Variants in LRRC4C observed in about 807,000 individuals in gnomAD.
The protein encoded by LRRC4C is leucine rich repeat containing 4C.
A neutral mutation model predicts 33.6 loss-of-function variants in LRRC4C; 5 were observed. The observed-to-expected ratio is 0.15, with a 90% CI of 0.08 to 0.31. LRRC4C has a LOEUF of 0.31. Among genes scored for constraint, LRRC4C ranks in the 10% least tolerant of loss-of-function variants. The pLI is 1.00. For synonymous variants in LRRC4C, 329 were observed against 302.0 expected (o/e 1.09, Z -0.93); for missense variants, 560 against 796.7 (o/e 0.70, Z 3.58).
At chr11:41,043,933 C>A (rs1284241994) in intron 1 of LRRC4C, among the ~76,000 whole-genome samples, 1 of 151,900 alleles carries the variant, frequency 6.6e-6, no homozygotes, top group Non-Finnish European at 1.5e-5. Context: ...ATTTGATGGA[C>A]AAAAACATTG....
intron 5 of LRRC4C, among the ~76,000 whole-genome samples, chr11:40,221,658 G>A (rs761277849): frequency 1.6e-4 from 25 of 152,092 alleles, no homozygotes; most frequent in Non-Finnish European, 2.8e-4. Flanking sequence ...CAGACAGCCC[G>A]GCGCCACACC....
chr11:40,474,064 C>T (rs577994624), intron 3 of LRRC4C, among the ~76,000 whole-genome samples: 2 of 150,336 alleles, frequency 1.3e-5, no homozygotes, highest in East Asian at 2.0e-4. Flanking sequence ...TTCCATCAAG[C>T]TACCATTGAC....
intron 3 of LRRC4C, among the ~76,000 whole-genome samples, chr11:40,465,849 A>G (rs1039561785): frequency 2.0e-5 from 3 of 152,076 alleles, no homozygotes; most frequent in Non-Finnish European, 4.4e-5. Flanking sequence ...TACAACCTCT[A>G]TGGACAACAG....
chr11:40,373,408 C>T (rs1458496028), intron 3 of LRRC4C, among the ~76,000 whole-genome samples: 1 of 151,624 alleles, frequency 6.6e-6, no homozygotes, highest in African/African-American at 2.4e-5. Context: ...AAGACATTTG[C>T]AATACATATA....
At chr11:40,180,769 A>T (rs1164494095) in intron 5 of LRRC4C, among the ~76,000 whole-genome samples, 1 of 152,196 alleles carries the variant, frequency 6.6e-6, no homozygotes, top group Non-Finnish European at 1.5e-5. Flanking sequence ...GTGTGTGTGC[A>T]TGTGTGTATG....
intron 2 of LRRC4C, among the ~76,000 whole-genome samples, chr11:40,730,656 G>A (rs559377028): frequency 6.6e-6 from 1 of 152,258 alleles, no homozygotes; most frequent in East Asian, 1.9e-4. Flanking sequence ...GGCTCAATCA[G>A]ATTTTGTTAT....
At chr11:40,389,836 A>G (rs945949618) in intron 3 of LRRC4C, among the ~76,000 whole-genome samples, 8 of 152,196 alleles carry the variant, frequency 5.3e-5, no homozygotes, top group African/African-American at 1.7e-4. Flanking sequence ...AATTAGGAGG[A>G]AGATAAGTCA....
At chr11:40,946,661 C>T (rs185074034) in intron 1 of LRRC4C, among the ~76,000 whole-genome samples, 90 of 152,244 alleles carry the variant, frequency 5.9e-4, no homozygotes, top group Non-Finnish European at 2.9e-5. Context: ...AAGATTGTCC[C>T]TTATTGTGGT....
intron 2 of LRRC4C, among the ~76,000 whole-genome samples, chr11:40,772,743 C>T (rs1320510181): frequency 6.6e-6 from 1 of 152,146 alleles, no homozygotes; most frequent in Admixed American, 6.5e-5. Flanking sequence ...CCCTCATACA[C>T]TGTTGATGGT....
In LRRC4C at chr11:40,439,923, C is replaced by T. The variant is rs144647245; in HGVS notation, c.-269-120202G>A. ...GGTAGGCAAACTATAACCATTAGGC[C>T]ACATACCACCTGTCACTTGTTCTTT... On this transcript the variant is annotated intron_variant, in intron 3 of 6. Transcript: ENST00000528697. Among the ~76,000 whole-genome samples the T allele has an allele frequency of 1.7e-3, 258 of 152,324 alleles. 3 individuals carry two copies. Among genetic ancestry groups the T allele is most frequent in the South Asian group, 6.4e-3 (31 of 4,828 alleles).
chr11:41,260,678 A>G (rs953957646), intron 1 of LRRC4C, among the ~76,000 whole-genome samples: 2 of 152,058 alleles, frequency 1.3e-5, no homozygotes, highest in Admixed American at 6.6e-5. Context: ...CACAAGGAAA[A>G]AGATAATGGG....
At chr11:40,894,413 C>T (rs1955849220) in intron 2 of LRRC4C, among the ~76,000 whole-genome samples, 1 of 152,224 alleles carries the variant, frequency 6.6e-6, no homozygotes, top group South Asian at 2.1e-4. Flanking sequence ...GGAGTCTACA[C>T]TGTGGCCAAA....
chr11:40,709,480 A>T (rs1186258661), intron 2 of LRRC4C, among the ~76,000 whole-genome samples: 1 of 152,108 alleles, frequency 6.6e-6, no homozygotes, highest in African/African-American at 2.4e-5. Flanking sequence ...GTTTGGCTGG[A>T]TATGAAATTC....
intron 1 of LRRC4C, among the ~76,000 whole-genome samples, chr11:41,421,394 G>C (rs1397530299): frequency 1.3e-5 from 2 of 152,022 alleles, no homozygotes; most frequent in Non-Finnish European, 2.9e-5. Context: ...GTGGGAGTGT[G>C]TCAGGAAAAC....
chr11:40,507,912 G>A (rs1350873853), intron 3 of LRRC4C, among the ~76,000 whole-genome samples: 3 of 151,866 alleles, frequency 2.0e-5, no homozygotes, highest in South Asian at 2.1e-4. Context: ...GTTAACTTTT[G>A]TATTTTTAAT....
intron 1 of LRRC4C, among the ~76,000 whole-genome samples, chr11:41,198,994 C>G (rs1158111138): frequency 6.6e-6 from 1 of 152,060 alleles, no homozygotes; most frequent in Non-Finnish European, 1.5e-5. Flanking sequence ...TTTATTGAAG[C>G]ATTAAGCCTT....
At chr11:40,705,670 T>C (rs1946128944) in intron 2 of LRRC4C, among the ~76,000 whole-genome samples, 1 of 152,048 alleles carries the variant, frequency 6.6e-6, no homozygotes, top group African/African-American at 2.4e-5. Flanking sequence ...CAAACATATG[T>C]GTGCATGTGT....
chr11:40,953,376 G>A (rs1450143022), intron 1 of LRRC4C, among the ~76,000 whole-genome samples: 1 of 151,802 alleles, frequency 6.6e-6, no homozygotes, highest in Admixed American at 6.6e-5. Flanking sequence ...CCATCTGTCA[G>A]GTCCAAAGTG....
At chr11:41,392,759 G>A (rs561785190) in intron 1 of LRRC4C, among the ~76,000 whole-genome samples, 2 of 151,794 alleles carry the variant, frequency 1.3e-5, no homozygotes, top group Non-Finnish European at 2.9e-5. Flanking sequence ...TGCAGAAATT[G>A]GAGTGATGTA....
Sources: allele counts gnomAD v4.1 joint callset (sites outside exome capture counted in the v4.1 genomes callset), GRCh38; gene constraint gnomAD v4.1.1; transcripts MANE v1.5; gene names NCBI Gene and HGNC (gene_info 2026-07-23, HGNC 2026-07-21).